RBPMS: variants seen among roughly 807,000 people sequenced by gnomAD.
The protein encoded by RBPMS is RNA-binding protein with multiple splicing.
Under a neutral mutation model 26.8 loss-of-function variants are expected in RBPMS, and 7 were observed. That is an observed-to-expected ratio of 0.26 (90% CI 0.15 to 0.49). The LOEUF is 0.49. Among genes scored for constraint, RBPMS ranks in the 20% least tolerant of loss-of-function variants. The pLI is 0.98. For synonymous variants in RBPMS, 96 were observed against 93.3 expected (o/e 1.03, Z -0.17); for missense variants, 186 against 250.0 (o/e 0.74, Z 1.73).
intron 3 of RBPMS, among the ~76,000 whole-genome samples, chr8:30,478,568 C>T (rs1028894802): frequency 6.7e-6 from 1 of 150,114 alleles, no homozygotes; most frequent in Non-Finnish European, 1.5e-5. Context: ...GGCGCGATCT[C>T]GGCTCACTGC....
intron 5 of RBPMS, among the ~76,000 whole-genome samples, chr8:30,506,816 C>A (rs1821114587): frequency 6.6e-6 from 1 of 152,196 alleles, no homozygotes; most frequent in South Asian, 2.1e-4. Flanking sequence ...GAAGAATGTT[C>A]TGTGGTTTGA....
At chr8:30,422,353 A>C (rs1041354540) in intron 1 of RBPMS, among the ~76,000 whole-genome samples, 2 of 152,044 alleles carry the variant, frequency 1.3e-5, no homozygotes, top group African/African-American at 4.8e-5. Context: ...ACCTCAGGTG[A>C]TCCACCCACC....
At chr8:30,556,170 G>C in intron 6 of RBPMS, 1 of 985,436 alleles carries the variant, frequency 1.0e-6, no homozygotes, top group African/African-American at 1.7e-5. Flanking sequence ...TCAGGGGTCT[G>C]TGTGTCCGCC....
At chr8:30,410,143 T>TACATAC (rs1809160721) in intron 1 of RBPMS, among the ~76,000 whole-genome samples, 1 of 132,096 alleles carries the variant, frequency 7.6e-6, no homozygotes, top group Non-Finnish European at 1.6e-5. Context: ...TGACTTAAAA[T>TACATAC]ACACACACAC....
intron 6 of RBPMS, chr8:30,555,882 A>G: frequency 3.0e-6 from 3 of 985,428 alleles, no homozygotes; most frequent in South Asian, 4.7e-5. Flanking sequence ...ACCCCCACAC[A>G]GTGATTAGCG....
chr8:30,468,442 A>G (rs1313611939), intron 1 of RBPMS, among the ~76,000 whole-genome samples: 1 of 151,998 alleles, frequency 6.6e-6, no homozygotes, highest in Non-Finnish European at 1.5e-5. Flanking sequence ...TCTTTATAAT[A>G]CTAATCTCTC....
At position 30,563,335 on chromosome 8, in the gene RBPMS, C is replaced by T. The variant is rs1160746590; in HGVS notation, c.*8-2922C>T. 5.9e-5 allele frequency among the ~76,000 whole-genome samples: 9 copies of T among 152,326 alleles called. 1 individual carries two copies. In the South Asian group the frequency reaches 1.9e-3, roughly 32 times the overall value. ...CTAGAGAGCCCAGAATACAGAATCACGATTGAAAATTGTCAGTTTCCCAGA... is the reference window on the plus strand; with the variant it reads ...CTAGAGAGCCCAGAATACAGAATCATGATTGAAAATTGTCAGTTTCCCAGA... On this transcript the variant is annotated intron_variant, in intron 7 of 8. Coordinates refer to ENST00000397323, the MANE Select transcript of RBPMS (RefSeq NM_001008710.3).
At chr8:30,540,484 ACAGT>A (rs1229129925) in intron 5 of RBPMS, among the ~76,000 whole-genome samples, 1 of 152,186 alleles carries the variant, frequency 6.6e-6, no homozygotes, top group African/African-American at 2.4e-5. Context: ...GTGTAGTGGC[ACAGT>A]CAGAGCGCAC....
intron 5 of RBPMS, among the ~76,000 whole-genome samples, chr8:30,533,835 T>C (rs1824512585): frequency 6.6e-6 from 1 of 152,176 alleles, no homozygotes; most frequent in African/African-American, 2.4e-5. Flanking sequence ...TTCAAGTCTA[T>C]AAAAATTGTT....
intron 5 of RBPMS, among the ~76,000 whole-genome samples, chr8:30,518,619 G>T (rs760031625): frequency 6.8e-4 from 98 of 143,454 alleles, no homozygotes; most frequent in Non-Finnish European, 1.3e-3. Context: ...GTAGAGATGG[G>T]GTTTCACCAT....
At chr8:30,389,374 G>T (rs575966050) in intron 1 of RBPMS, among the ~76,000 whole-genome samples, 36 of 152,326 alleles carry the variant, frequency 2.4e-4, no homozygotes, top group African/African-American at 8.4e-4. Context: ...GGGTAGTTTG[G>T]AAGGGGTGGA....
chr8:30,526,447 T>C (rs973188792), intron 5 of RBPMS, among the ~76,000 whole-genome samples: 2 of 149,786 alleles, frequency 1.3e-5, no homozygotes, highest in African/African-American at 5.1e-5. Flanking sequence ...GCATTGATAC[T>C]GACTACATTT....
chr8:30,554,572 C>T (rs919198900), intron 6 of RBPMS, among the ~76,000 whole-genome samples: 3 of 152,180 alleles, frequency 2.0e-5, no homozygotes, highest in Admixed American at 6.5e-5. Context: ...CCATACTTTT[C>T]GAAACCTTAA....
chr8:30,544,391 C>A, intron 5 of RBPMS, 103 bp from the exon 6 acceptor site: 1 of 1,149,770 alleles, frequency 8.7e-7, no homozygotes, highest in Non-Finnish European at 1.3e-6. Context: ...AGTAATTTGA[C>A]TTCCGACAGT....
intron 4 of RBPMS, among the ~76,000 whole-genome samples, chr8:30,498,650 AT>A (rs1260004982): frequency 6.6e-6 from 1 of 152,228 alleles, no homozygotes; most frequent in Non-Finnish European, 1.5e-5. Flanking sequence ...GTAAATAAAT[AT>A]AAGTTGTAGT....
At chr8:30,433,034 T>C (rs1812102452) in intron 1 of RBPMS, among the ~76,000 whole-genome samples, 1 of 152,214 alleles carries the variant, frequency 6.6e-6, no homozygotes, top group African/African-American at 2.4e-5. Flanking sequence ...TGCCTAAGAA[T>C]AGACCCCTCT....
At chr8:30,438,559 C>A (rs1381801453) in intron 1 of RBPMS, among the ~76,000 whole-genome samples, 1 of 152,136 alleles carries the variant, frequency 6.6e-6, no homozygotes, top group Non-Finnish European at 1.5e-5. Context: ...GAATTAAATT[C>A]TTTGTGTGAT....
chr8:30,508,342 AAATAC>A (rs1292347667), intron 5 of RBPMS, among the ~76,000 whole-genome samples: 17 of 152,208 alleles, frequency 1.1e-4, no homozygotes, highest in Non-Finnish European at 1.9e-4. Context: ...GCAGCCCTAG[AAATAC>A]AATACATCAA....
At chr8:30,388,452 A>G (rs533847732) in intron 1 of RBPMS, among the ~76,000 whole-genome samples, 37 of 139,174 alleles carry the variant, frequency 2.7e-4, no homozygotes, top group Admixed American at 2.5e-3. Context: ...AGCTATAGCT[A>G]TAAGCTAACT....
Sources: allele counts gnomAD v4.1 joint callset (sites outside exome capture counted in the v4.1 genomes callset), GRCh38; gene constraint gnomAD v4.1.1; transcripts MANE v1.5; gene names NCBI Gene and HGNC (gene_info 2026-07-23, HGNC 2026-07-21).